The following FRAS1 variants were observed in gnomAD, a reference collection of about 807,000 sequenced individuals.
FRAS1 encodes Fraser extracellular matrix complex subunit 1.
Under a neutral mutation model 435.2 loss-of-function variants are expected in FRAS1, and 290 were observed. The observed-to-expected ratio is 0.67, with a 90% CI of 0.61 to 0.73. The LOEUF (loss-of-function observed/expected upper bound fraction) is 0.73. FRAS1 is among the 30% of genes least tolerant of loss of function. The pLI is 0.00. For synonymous variants in FRAS1, 1,800 were observed against 1,851.0 expected (o/e 0.97, Z 0.71); for missense variants, 4,860 against 5,001.5 (o/e 0.97, Z 0.85).
intron 14 of FRAS1, among the ~76,000 whole-genome samples, chr4:78,302,547 C>G (rs1452508173): frequency 6.6e-6 from 1 of 152,136 alleles, no homozygotes; most frequent in East Asian, 1.9e-4. Context: ...GATTGCCATT[C>G]TAACTGGTGT....
intron 2 of FRAS1, among the ~76,000 whole-genome samples, chr4:78,069,954 C>A (rs972820971): frequency 5.9e-5 from 9 of 152,038 alleles, no homozygotes; most frequent in Non-Finnish European, 1.3e-4. Flanking sequence ...CAAGTCAGTC[C>A]ACTTGTTGTC....
chr4:78,325,434 C>T (rs1454983375), intron 18 of FRAS1, among the ~76,000 whole-genome samples: 1 of 152,210 alleles, frequency 6.6e-6, no homozygotes, highest in Non-Finnish European at 1.5e-5. Context: ...TCTGCCTGTA[C>T]AGCTTAAGAG....
chr4:78,365,573 G>A (rs1428626373), intron 22 of FRAS1, among the ~76,000 whole-genome samples: 2 of 151,888 alleles, frequency 1.3e-5, no homozygotes, highest in African/African-American at 4.8e-5. Flanking sequence ...TTTGTCTTGG[G>A]GCAGGGTGGC....
At chr4:78,058,980 C>G (rs906225489) in intron 1 of FRAS1, among the ~76,000 whole-genome samples, 1 of 152,228 alleles carries the variant, frequency 6.6e-6, no homozygotes, top group Non-Finnish European at 1.5e-5. Flanking sequence ...GGGAAGGGAG[C>G]CGGCGGGCTG....
chr4:78,215,362 A>G (rs1723719865), intron 2 of FRAS1, among the ~76,000 whole-genome samples: 1 of 151,938 alleles, frequency 6.6e-6, no homozygotes, highest in African/African-American at 2.4e-5. Context: ...CGCACAGCTA[A>G]TTTTTGTATT....
At chr4:78,091,537 C>T (rs1017069066) in intron 2 of FRAS1, among the ~76,000 whole-genome samples, 2 of 151,974 alleles carry the variant, frequency 1.3e-5, no homozygotes, top group Non-Finnish European at 2.9e-5. Context: ...TTCTGAGCTT[C>T]TTCACTGGGC....
intron 2 of FRAS1, among the ~76,000 whole-genome samples, chr4:78,151,180 T>C (rs1400766579): frequency 6.6e-6 from 1 of 152,212 alleles, no homozygotes; most frequent in Non-Finnish European, 1.5e-5. Flanking sequence ...ACTGTATTTA[T>C]TTGGGATTTT....
chr4:78,135,031 T>A (rs1419043115), intron 2 of FRAS1, among the ~76,000 whole-genome samples: 1 of 152,186 alleles, frequency 6.6e-6, no homozygotes, highest in Non-Finnish European at 1.5e-5. Context: ...GGTTTAATTG[T>A]AGGAAATTGT....
chr4:78,149,135 A>G (rs1286078180), intron 2 of FRAS1, among the ~76,000 whole-genome samples: 1 of 152,150 alleles, frequency 6.6e-6, no homozygotes, highest in Non-Finnish European at 1.5e-5. Context: ...AGTCACTGGT[A>G]ATAGCATGAT....
At chr4:78,338,927 CT>C in intron 20 of FRAS1, among the ~76,000 whole-genome samples, 1 of 152,282 alleles carries the variant, frequency 6.6e-6, no homozygotes, top group African/African-American at 2.4e-5. Flanking sequence ...GGTCTATATC[CT>C]AAGAAAACCA....
chr4:78,278,770 A>T, intron 10 of FRAS1, 26 bp downstream of exon 10: 1 of 1,281,816 alleles, frequency 7.8e-7, no homozygotes. Context: ...ATAACCGAAG[A>T]TGATTTCAAA....
At chr4:78,239,829 T>C (rs1174852225) in intron 3 of FRAS1, among the ~76,000 whole-genome samples, 1 of 152,222 alleles carries the variant, frequency 6.6e-6, no homozygotes, top group African/African-American at 2.4e-5. Flanking sequence ...TGTATACATA[T>C]ATTACTTGAT....
intron 20 of FRAS1, among the ~76,000 whole-genome samples, chr4:78,360,602 G>GA (rs1445971684): frequency 6.6e-6 from 1 of 152,170 alleles, no homozygotes; most frequent in Non-Finnish European, 1.5e-5. Context: ...GAGGTGAAAG[G>GA]AATGAATCCA....
At chr4:78,334,363 CTTTTTTTTTTT>C (rs1007481617) in intron 19 of FRAS1, among the ~76,000 whole-genome samples, 5 of 92,270 alleles carry the variant, frequency 5.4e-5, no homozygotes, top group South Asian at 7.6e-4. Context: ...AACCAATTTT[CTTTTTTTTTTT>C]TTTTTTTTTT....
intron 18 of FRAS1, among the ~76,000 whole-genome samples, chr4:78,325,746 T>C (rs1729692465): frequency 6.6e-6 from 1 of 152,192 alleles, no homozygotes; most frequent in Non-Finnish European, 1.5e-5. Context: ...CATGCCATAA[T>C]AGCAGTAGTC....
chr4:78,058,104 G>A lies in FRAS1; in HGVS notation c.76+19G>A. 1 of 1,054,020 alleles carries A rather than the reference G, an allele frequency of 9.5e-7. No individual in the cohort carries two copies. Among genetic ancestry groups the A allele is most frequent in the Non-Finnish European group, 1.2e-6 (1 of 805,850 alleles). 65.3% of individuals were successfully genotyped at this position (1,054,020 alleles called of 1,614,324 possible). A position where few individuals can be genotyped will look rare whatever the true frequency, so the allele number is the denominator to read the frequency against. ...TCCGAAGGTGAGAGAGCGGTGCCGC[G>A]TGTGTGTGTGTGTGTGCGTGTGCGT... is the stretch of plus-strand genomic sequence containing the variant. On this transcript the variant is annotated intron_variant, in intron 1 of 73. Transcript: ENST00000512123.
chr4:78,315,732 A>T lies in FRAS1; in HGVS notation c.1817A>T (p.Lys606Ile), dbSNP rs1178163841. Residue 606 changes from lysine (K) to isoleucine (I), a missense_variant and splice_region_variant, in exon 16 of 74, where the codon AAA becomes ATA. By Grantham distance (102) the Lys-to-Ile change is moderately radical (BLOSUM62 -3). Transcript: ENST00000512123. Reference sequence around the variant, plus strand: ...TATGCTGATGCCACTGGCAGGTGCAAAGGTAAGAGATGGGTCACCATCATC... The same window carrying T: ...TATGCTGATGCCACTGGCAGGTGCATAGGTAAGAGATGGGTCACCATCATC... ...GYYADATGRC[K>I]VCHNSCASCS... 6.2e-7 allele frequency: 1 copy of T among 1,613,866 alleles called. No individual in the cohort carries two copies. The highest frequency in any genetic ancestry group is 1.7e-5 in the Admixed American group (1 of 59,998).
At chr4:78,437,684 C>T (rs1210350234) in intron 38 of FRAS1, among the ~76,000 whole-genome samples, 1 of 152,184 alleles carries the variant, frequency 6.6e-6, no homozygotes, top group Non-Finnish European at 1.5e-5. Context: ...TGAAAATTTG[C>T]TTTTGAAAGT....
At chr4:78,525,366 A>T (rs1049528171) in intron 69 of FRAS1, among the ~76,000 whole-genome samples, 2 of 152,232 alleles carry the variant, frequency 1.3e-5, no homozygotes, top group Non-Finnish European at 2.9e-5. Context: ...AACTGCAGAC[A>T]TACAGACTTT....
Sources: allele counts gnomAD v4.1 joint callset (sites outside exome capture counted in the v4.1 genomes callset), GRCh38; gene constraint gnomAD v4.1.1; transcripts MANE v1.5; gene names NCBI Gene and HGNC (gene_info 2026-07-23, HGNC 2026-07-21).